The following CD2AP variants were observed in gnomAD, a reference collection of about 807,000 sequenced individuals.
The protein encoded by CD2AP is CD2 associated protein.
In CD2AP, 46 loss-of-function variants were observed where a neutral mutation model predicts 85.1. That is an observed-to-expected ratio of 0.54 (90% CI 0.43 to 0.69). CD2AP has a LOEUF of 0.69. CD2AP is among the 30% of genes least tolerant of loss of function. CD2AP has a pLI of 0.00. For missense variants in CD2AP, 769 were observed against 729.5 expected, an observed-to-expected ratio of 1.05 and a Z score of -0.62; for synonymous variants, 255 against 252.9, an observed-to-expected ratio of 1.01 and a Z score of -0.08.
intron 1 of CD2AP, among the ~76,000 whole-genome samples, chr6:47,491,309 T>G (rs565950209): frequency 1.3e-5 from 2 of 151,098 alleles, no homozygotes; most frequent in Non-Finnish European, 3.0e-5. Flanking sequence ...GTGTGTAATA[T>G]ATATAAAATC....
rs114237746 is a variant in CD2AP, at chr6:47,546,633, C to T, written c.420+1927C>T. ...GGGGGAATAATCAGAAAAACTTCCC[C>T]GGCCTTGCCAGAGACCTAGACATCC... is the stretch of plus-strand genomic sequence containing the variant. On this transcript the variant is annotated intron_variant, in intron 4 of 17. Coordinates refer to ENST00000359314, the MANE Select transcript of CD2AP (RefSeq NM_012120.3). Among the ~76,000 whole-genome samples the T allele has an allele frequency of 7.9e-3, 1,199 of 152,066 alleles. 14 individuals carry two copies. Among genetic ancestry groups the T allele is most frequent in the African/African-American group, 0.027 (1,120 of 41,468 alleles).
chr6:47,606,322 G>T lies in CD2AP; in HGVS notation c.1530+45G>T, dbSNP rs111955020. On this transcript the variant is annotated intron_variant, in intron 14 of 17. Transcript: ENST00000359314. Reference sequence around the variant, plus strand: ...GTAAACTACAGTATATTTAGCAAATGCAGAGTCCATTGGAAGATAGAGGAC... The same window carrying T: ...GTAAACTACAGTATATTTAGCAAATTCAGAGTCCATTGGAAGATAGAGGAC... 39 of 1,099,226 alleles carry T rather than the reference G, an allele frequency of 3.5e-5. 1 individual carries two copies. In the Admixed American group the frequency reaches 3.7e-4, roughly 10 times the overall value. The allele number at this position is 1,099,226 out of a possible 1,614,324, so 68.1% of individuals were successfully genotyped here.
At chr6:47,506,865 G>C (rs749513875) in intron 2 of CD2AP, among the ~76,000 whole-genome samples, 4 of 151,496 alleles carry the variant, frequency 2.6e-5, no homozygotes, top group Non-Finnish European at 4.4e-5. Context: ...GGCTGTGGCA[G>C]TTTCTAAGAT....
In CD2AP at chr6:47,554,712, A is replaced by T; in HGVS notation, c.487A>T (p.Lys163Ter). ...KLGLFPSNFVKELEVTDDGET... is the reference protein window; with the variant it reads ...KLGLFPSNFV The stretch of plus-strand genomic sequence containing the variant: ...GGGACTGTTTCCCTCAAATTTTGTG[A>T]AAGAATTAGAGGTAACAGATGATGG... The change falls in exon 5 of 18, where the codon AAA (lysine) becomes TAA (stop). Residue 163 changes from lysine to a stop codon, truncating the protein, a stop_gained. Coordinates refer to ENST00000359314, the MANE Select transcript of CD2AP (RefSeq NM_012120.3). LOFTEE classifies it high-confidence loss of function. 1 of 1,613,726 alleles carries T rather than the reference A, an allele frequency of 6.2e-7. No individual in the cohort carries two copies. The highest frequency in any genetic ancestry group is 8.5e-7 in the Non-Finnish European group (1 of 1,179,750).
At chr6:47,553,536 T>TC (rs1432805790) in intron 4 of CD2AP, among the ~76,000 whole-genome samples, 1 of 135,864 alleles carries the variant, frequency 7.4e-6, no homozygotes, top group Admixed American at 7.5e-5. Context: ...TTTTTTTTTT[T>TC]TGTATTTTTA....
rs115917455 is a variant in CD2AP at position 47,525,594 on chromosome 6, G to A, written c.166-8008G>A. Among the ~76,000 whole-genome samples the A allele has an allele frequency of 4.8e-3, 728 of 152,232 alleles. 8 individuals carry two copies. The highest frequency in any genetic ancestry group is 8.1e-3 in the Non-Finnish European group (548 of 67,982). On this transcript the variant is annotated intron_variant, in intron 2 of 17. Coordinates refer to ENST00000359314, the MANE Select transcript of CD2AP (RefSeq NM_012120.3). ...TTATTATATGGACATATTACAACAT[G>A]AAGGAGTGGTTTGTGAATTTTGTTG...
intron 4 of CD2AP, among the ~76,000 whole-genome samples, chr6:47,547,907 A>T (rs1201983003): frequency 1.3e-5 from 2 of 152,176 alleles, no homozygotes; most frequent in African/African-American, 4.8e-5. Context: ...GAAATTAAAT[A>T]ACTTACTCCT....
intron 11 of CD2AP, among the ~76,000 whole-genome samples, chr6:47,590,181 T>C (rs1474231408): frequency 6.6e-6 from 1 of 151,980 alleles, no homozygotes; most frequent in Non-Finnish European, 1.5e-5. Flanking sequence ...GATCTAGATA[T>C]TAGAGATACT....
chr6:47,549,200 C>T (rs1767447958), intron 4 of CD2AP, among the ~76,000 whole-genome samples: 1 of 152,058 alleles, frequency 6.6e-6, no homozygotes, highest in Admixed American at 6.6e-5. Flanking sequence ...AAGTCCTAGC[C>T]AGAGCAATTA....
intron 1 of CD2AP, among the ~76,000 whole-genome samples, chr6:47,490,658 T>G (rs1347056860): frequency 6.6e-6 from 1 of 152,156 alleles, no homozygotes; most frequent in African/African-American, 2.4e-5. Context: ...TCTTTTTTGT[T>G]TTTTAAACTT....
intron 1 of CD2AP, among the ~76,000 whole-genome samples, chr6:47,483,361 G>A: frequency 6.6e-6 from 1 of 152,116 alleles, no homozygotes; most frequent in East Asian, 1.9e-4. Flanking sequence ...AGGCCTTTGG[G>A]AGTGGTATGG....
At chr6:47,524,984 T>C (rs1027564499) in intron 2 of CD2AP, among the ~76,000 whole-genome samples, 5 of 152,180 alleles carry the variant, frequency 3.3e-5, no homozygotes, top group Non-Finnish European at 5.9e-5. Context: ...CTTTAGTGAA[T>C]ATCCAATTTA....
intron 17 of CD2AP, among the ~76,000 whole-genome samples, chr6:47,623,088 A>G (rs1769808334): frequency 6.6e-6 from 1 of 152,250 alleles, no homozygotes; most frequent in African/African-American, 2.4e-5. Context: ...GTTGTAGTCC[A>G]GTGCTGCTAA....
rs770728754 is a variant in CD2AP, at chr6:47,599,372, C to G, written c.1346C>G (p.Ser449Cys). ...TEPVSKLKLD[S>C]EQLPLRPKSV... ...CCAGTATCAAAACTAAAGCTAGATT[C>G]TGAACAGCTGCCCCTTAGACCAAAA... is the stretch of plus-strand genomic sequence containing the variant. Residue 449 changes from serine to cysteine, a missense_variant, in exon 13 of 18, where the codon TCT becomes TGT. Ser to Cys is a moderately radical substitution (Grantham distance 112). Transcript: ENST00000359314. 1 of 1,611,538 alleles carries G rather than the reference C, an allele frequency of 6.2e-7. No homozygotes were observed. The highest frequency in any genetic ancestry group is 8.5e-7 in the Non-Finnish European group (1 of 1,178,386).
intron 7 of CD2AP, 40 bp from the exon 8 acceptor site, chr6:47,576,969 C>T: frequency 1.0e-6 from 1 of 1,004,400 alleles, no homozygotes; most frequent in Admixed American, 1.7e-5. Flanking sequence ...TTGAATGAAT[C>T]CATTTGTGTG....
At chr6:47,565,762 G>T (rs978464240) in intron 5 of CD2AP, among the ~76,000 whole-genome samples, 6 of 152,030 alleles carry the variant, frequency 3.9e-5, no homozygotes, top group African/African-American at 9.7e-5. Flanking sequence ...CACCTTCACT[G>T]CCGCTATCCT....
chr6:47,602,726 C>T (rs1195568530), intron 13 of CD2AP, among the ~76,000 whole-genome samples: 1 of 140,374 alleles, frequency 7.1e-6, no homozygotes, highest in Non-Finnish European at 1.5e-5. Context: ...CGTGTCTCTA[C>T]AGAAAAAAAA....
chr6:47,610,949 T>TTATATATATATATATATATATATATA (rs10580325), intron 16 of CD2AP, among the ~76,000 whole-genome samples: 6 of 114,236 alleles, frequency 5.3e-5, no homozygotes, highest in African/African-American at 1.5e-4. Flanking sequence ...TATTTCTGAT[T>TTATATATATATATATATATATATATA]TATATATATA....
intron 11 of CD2AP, among the ~76,000 whole-genome samples, chr6:47,588,049 G>A (rs1244147709): frequency 1.3e-5 from 2 of 152,070 alleles, no homozygotes; most frequent in Non-Finnish European, 2.9e-5. Context: ...AGTTCCATCT[G>A]TTTGCATTTC....
Sources: allele counts gnomAD v4.1 joint callset (sites outside exome capture counted in the v4.1 genomes callset), GRCh38; gene constraint gnomAD v4.1.1; transcripts MANE v1.5; gene names NCBI Gene and HGNC (gene_info 2026-07-23, HGNC 2026-07-21).